Variants in HTR4 observed in about 807,000 individuals in gnomAD.
HTR4 encodes 5-hydroxytryptamine receptor 4.
HTR4 carries 16 observed loss-of-function variants against 36.8 expected under a neutral mutation model. The observed-to-expected ratio is 0.43, with a 90% confidence interval of 0.29 to 0.66. The LOEUF (loss-of-function observed/expected upper bound fraction) is 0.66. Among genes scored for constraint, HTR4 ranks in the 30% least tolerant of loss-of-function variants. The pLI is 0.13. For synonymous variants in HTR4, 189 were observed against 185.1 expected, an observed-to-expected ratio of 1.02 and a Z score of -0.17; for missense variants, 438 against 490.9, an observed-to-expected ratio of 0.89 and a Z score of 1.02.
chr5:148,522,168 A>G (rs1236176947), intron 5 of HTR4, among the ~76,000 whole-genome samples: 1 of 152,160 alleles, frequency 6.6e-6, no homozygotes, highest in African/African-American at 2.4e-5. Flanking sequence ...GCCTCCTGCC[A>G]TGATTGTGAG....
chr5:148,471,483 AC>A (rs970897944), intron 5 of HTR4, among the ~76,000 whole-genome samples: 1 of 152,198 alleles, frequency 6.6e-6, no homozygotes, highest in Non-Finnish European at 1.5e-5. Context: ...TTTCTAGGGA[AC>A]CTGGAACAAT....
chr5:148,524,185 TTA>T (rs1183437534), intron 4 of HTR4, among the ~76,000 whole-genome samples: 1 of 152,144 alleles, frequency 6.6e-6, no homozygotes, highest in Non-Finnish European at 1.5e-5. Context: ...TGAGTTATTG[TTA>T]AGGATACTCA....
chr5:148,454,032 G>T (rs1438626431), intron 5 of HTR4, among the ~76,000 whole-genome samples: 1 of 152,210 alleles, frequency 6.6e-6, no homozygotes, highest in Non-Finnish European at 1.5e-5. Context: ...GCCCTGTCAT[G>T]TGTGGTTATT....
At chr5:148,494,993 G>A (rs4264931) in intron 6 of HTR4, among the ~76,000 whole-genome samples, 69,395 of 152,008 alleles carry the variant, frequency 0.46, 16,314 homozygotes, top group African/African-American at 0.57. Context: ...AACCAAGTTA[G>A]ATAGGCAATA....
At chr5:148,518,490 C>G (rs1317044471) in intron 5 of HTR4, among the ~76,000 whole-genome samples, 16 of 152,272 alleles carry the variant, frequency 1.1e-4, no homozygotes, top group African/African-American at 3.9e-4. Flanking sequence ...TCATCACTTG[C>G]CAGGATAATT....
intron 6 of HTR4, among the ~76,000 whole-genome samples, chr5:148,489,308 A>T (rs6884658): frequency 0.16 from 24,444 of 152,092 alleles, 3,612 homozygotes; most frequent in African/African-American, 0.38. Flanking sequence ...CAGGTAGAGT[A>T]TCTAGAGAGT....
intron 4 of HTR4, among the ~76,000 whole-genome samples, chr5:148,529,203 C>A (rs1758434017): frequency 6.6e-6 from 1 of 151,996 alleles, no homozygotes; most frequent in South Asian, 2.1e-4. Context: ...ACTTTGGAAA[C>A]AATCAAAACA....
Position 148,602,357 on chromosome 5 carries a change from A to T in HTR4, c.26+34632T>A, listed in dbSNP as rs1295686853. 2.6e-5 allele frequency among the ~76,000 whole-genome samples: 4 copies of T among 152,226 alleles called. 1 individual carries two copies. The highest frequency in any genetic ancestry group is 9.7e-5 in the African/African-American group (4 of 41,446). ...GGGAATTTTTTAATATTTGGAAATT[A>T]TGCAATATCCTTCTAAATAAACCAT... On this transcript the variant is annotated intron_variant, in intron 2 of 6. Transcript: ENST00000377888.
intron 4 of HTR4, among the ~76,000 whole-genome samples, chr5:148,531,788 T>A (rs188348363): frequency 7.4e-4 from 112 of 152,304 alleles, no homozygotes; most frequent in African/African-American, 2.6e-3. Flanking sequence ...GTGGTTCTAG[T>A]GATATCTGAA....
At chr5:148,637,426 C>T in intron 1 of HTR4, among the ~76,000 whole-genome samples, 1 of 144,138 alleles carries the variant, frequency 6.9e-6, no homozygotes, top group African/African-American at 2.6e-5. Context: ...GTATATTGCC[C>T]AAAATGGCCA....
At chr5:148,491,525 GA>G (rs1391168264) in intron 6 of HTR4, among the ~76,000 whole-genome samples, 1 of 152,078 alleles carries the variant, frequency 6.6e-6, no homozygotes, top group Non-Finnish European at 1.5e-5. Context: ...CTGGGGCCAG[GA>G]AATTCTTTGC....
chr5:148,507,159 T>C (rs565472108), intron 6 of HTR4, among the ~76,000 whole-genome samples: 3 of 151,716 alleles, frequency 2.0e-5, no homozygotes, highest in Non-Finnish European at 4.4e-5. Flanking sequence ...ATTAAGAAAA[T>C]GTGGCACATA....
chr5:148,625,447 A>G (rs1276316769), intron 2 of HTR4, among the ~76,000 whole-genome samples: 1 of 152,196 alleles, frequency 6.6e-6, no homozygotes, highest in Non-Finnish European at 1.5e-5. Context: ...CATGACTAAT[A>G]GCTTAGGAAT....
At chr5:148,467,355 A>C (rs1350266535) in intron 5 of HTR4, among the ~76,000 whole-genome samples, 1 of 152,194 alleles carries the variant, frequency 6.6e-6, no homozygotes. Flanking sequence ...ATTTCTTCCT[A>C]AATTCAGGTA....
downstream of HTR4, among the ~76,000 whole-genome samples, chr5:148,473,385 T>C (rs1056449393): frequency 1.3e-5 from 2 of 151,980 alleles, no homozygotes; most frequent in African/African-American, 4.8e-5. Context: ...AGATAAGTTG[T>C]ATCAAAGTAA....
chr5:148,526,694 C>T (rs992924188), intron 4 of HTR4, among the ~76,000 whole-genome samples: 1 of 151,868 alleles, frequency 6.6e-6, no homozygotes, highest in Non-Finnish European at 1.5e-5. Context: ...ATTATTCCAT[C>T]ATAAAAAAAA....
At chr5:148,453,996 G>A (rs1312758837) in intron 5 of HTR4, among the ~76,000 whole-genome samples, 1 of 152,144 alleles carries the variant, frequency 6.6e-6, no homozygotes, top group East Asian at 1.9e-4. Flanking sequence ...TTCTGCAAAA[G>A]GTTTAGCCTT....
intron 2 of HTR4, among the ~76,000 whole-genome samples, chr5:148,575,024 T>C (rs939816130): frequency 2.6e-5 from 4 of 152,014 alleles, no homozygotes; most frequent in Admixed American, 6.6e-5. Context: ...GGAGATAAAA[T>C]GGCTGAATGG....
At chr5:148,595,854 C>T (rs916111901) in intron 2 of HTR4, among the ~76,000 whole-genome samples, 7 of 152,038 alleles carry the variant, frequency 4.6e-5, no homozygotes, top group Non-Finnish European at 7.4e-5. Context: ...AATTTTGGGC[C>T]GCATGAGGAG....
Sources: allele counts gnomAD v4.1 joint callset (sites outside exome capture counted in the v4.1 genomes callset), GRCh38; gene constraint gnomAD v4.1.1; transcripts MANE v1.5; gene names NCBI Gene and HGNC (gene_info 2026-07-23, HGNC 2026-07-21).